CSMD1: variants seen among roughly 807,000 people sequenced by gnomAD.
CSMD1 encodes the protein CUB and sushi domain-containing protein 1.
CSMD1 carries 213 observed loss-of-function variants against 417.5 expected under a neutral mutation model. The observed-to-expected ratio is 0.51, with a 90% CI of 0.46 to 0.57. The LOEUF (loss-of-function observed/expected upper bound fraction) is 0.57. Among genes scored for constraint, CSMD1 ranks in the 20% least tolerant of loss-of-function variants. The probability of loss-of-function intolerance (pLI) is 0.00; values close to 1 mark genes in which losing one functional copy is unlikely to be tolerated. For synonymous variants in CSMD1, 2,862 were observed against 1,736.8 expected (o/e 1.65, Z -16.11); for missense variants, 6,923 against 4,529.7 (o/e 1.53, Z -15.17).
chr8:3,316,755 G>C (rs62504450), intron 23 of CSMD1, among the ~76,000 whole-genome samples: 2 of 152,100 alleles, frequency 1.3e-5, no homozygotes, highest in African/African-American at 2.4e-5. Context: ...GAAAGGACTC[G>C]GCTGCAGCAC....
intron 3 of CSMD1, among the ~76,000 whole-genome samples, chr8:4,340,329 C>A (rs537505166): frequency 6.6e-6 from 1 of 151,986 alleles, no homozygotes; most frequent in Non-Finnish European, 1.5e-5. Flanking sequence ...CTTACATTGG[C>A]TGGGATGAGG....
At chr8:3,634,209 G>A (rs1796922462) in intron 7 of CSMD1, among the ~76,000 whole-genome samples, 1 of 152,178 alleles carries the variant, frequency 6.6e-6, no homozygotes, top group Non-Finnish European at 1.5e-5. Context: ...GGCCACAGCA[G>A]ATAGTCTATG....
intron 2 of CSMD1, among the ~76,000 whole-genome samples, chr8:4,569,228 T>C (rs986431048): frequency 2.6e-5 from 4 of 152,252 alleles, no homozygotes; most frequent in Non-Finnish European, 5.9e-5. Context: ...CATGCCTATG[T>C]CCTGAATGGT....
At chr8:4,487,370 G>A (rs927917964) in intron 2 of CSMD1, among the ~76,000 whole-genome samples, 2 of 152,004 alleles carry the variant, frequency 1.3e-5, no homozygotes, top group African/African-American at 2.4e-5. Context: ...CTGTGTCCAT[G>A]CGTTCTCATT....
At chr8:3,272,808 T>G (rs950225370) in intron 26 of CSMD1, among the ~76,000 whole-genome samples, 9 of 150,496 alleles carry the variant, frequency 6.0e-5, no homozygotes, top group Non-Finnish European at 1.2e-4. Context: ...CTGAAGTTGC[T>G]TATCAGCTTA....
At chr8:3,746,971 C>T (rs59041069) in intron 6 of CSMD1, among the ~76,000 whole-genome samples, 11,131 of 152,256 alleles carry the variant, frequency 0.073, 1,141 homozygotes, top group African/African-American at 0.22. Flanking sequence ...AAAGCTGTGA[C>T]TAAATTACAG....
chr8:4,139,584 C>G (rs1233215759), intron 3 of CSMD1, among the ~76,000 whole-genome samples: 2 of 151,130 alleles, frequency 1.3e-5, no homozygotes, highest in Non-Finnish European at 1.5e-5. Flanking sequence ...GCCTATGGAA[C>G]TGAGTGGGCA....
intron 11 of CSMD1, among the ~76,000 whole-genome samples, chr8:3,490,554 C>G (rs188428086): frequency 6.6e-6 from 1 of 152,016 alleles, no homozygotes; most frequent in Non-Finnish European, 1.5e-5. Flanking sequence ...TTCAGCTCTC[C>G]GGAGTGTTTG....
At chr8:3,281,490 A>C (rs1011041245) in intron 26 of CSMD1, among the ~76,000 whole-genome samples, 6 of 152,146 alleles carry the variant, frequency 3.9e-5, no homozygotes, top group African/African-American at 1.4e-4. Flanking sequence ...AGTCAATAGA[A>C]TATTATTCGC....
At chr8:3,533,616 C>T (rs749893611) in intron 10 of CSMD1, among the ~76,000 whole-genome samples, 5 of 152,120 alleles carry the variant, frequency 3.3e-5, no homozygotes, top group Non-Finnish European at 7.4e-5. Flanking sequence ...TCCCTGAATC[C>T]ACTCATCTGC....
At chr8:3,515,688 A>G (rs563313923) in intron 10 of CSMD1, among the ~76,000 whole-genome samples, 6 of 152,294 alleles carry the variant, frequency 3.9e-5, no homozygotes, top group Admixed American at 3.9e-4. Context: ...CAATCATCAC[A>G]TATTCTAGGC....
At chr8:3,673,078 G>A (rs1203478009) in intron 7 of CSMD1, among the ~76,000 whole-genome samples, 1 of 152,112 alleles carries the variant, frequency 6.6e-6, no homozygotes, top group Non-Finnish European at 1.5e-5. Flanking sequence ...TACTGTAAAT[G>A]TTCAATAAAT....
intron 12 of CSMD1, among the ~76,000 whole-genome samples, chr8:3,465,419 G>A (rs1585205037): frequency 6.6e-6 from 1 of 152,242 alleles, no homozygotes; most frequent in South Asian, 2.1e-4. Context: ...GAATGATGGA[G>A]GCCACAGGTG....
chr8:4,053,027 C>T (rs541829542), intron 3 of CSMD1, among the ~76,000 whole-genome samples: 1 of 152,226 alleles, frequency 6.6e-6, no homozygotes, highest in South Asian at 2.1e-4. Context: ...CAAAGGGTAA[C>T]AATTGGTACC....
At chr8:3,169,210 C>A (rs1005329451) in intron 37 of CSMD1, among the ~76,000 whole-genome samples, 2 of 152,112 alleles carry the variant, frequency 1.3e-5, no homozygotes, top group African/African-American at 2.4e-5. Context: ...AGACTCCACC[C>A]CAAACAGTAC....
At chr8:3,265,556 A>G (rs1055957658) in intron 26 of CSMD1, among the ~76,000 whole-genome samples, 1 of 152,182 alleles carries the variant, frequency 6.6e-6, no homozygotes, top group African/African-American at 2.4e-5. Flanking sequence ...CACTCCTGTT[A>G]CCTGGGAATT....
At chr8:4,306,449 T>C (rs1202091395) in intron 3 of CSMD1, among the ~76,000 whole-genome samples, 1 of 152,176 alleles carries the variant, frequency 6.6e-6, no homozygotes, top group African/African-American at 2.4e-5. Flanking sequence ...ATAAAAAATA[T>C]TTTATCACCT....
chr8:4,620,711 T>C lies in CSMD1; in HGVS notation c.302+16631A>G, dbSNP rs537638763. Among the ~76,000 whole-genome samples the C allele has an allele frequency of 2.5e-3, 381 of 151,934 alleles. 2 individuals carry two copies. The highest frequency in any genetic ancestry group is 8.8e-3 in the African/African-American group (364 of 41,556). ...AAGTTAGAAAATATTTTAAACTAAATTACTAGTAAATCACTATAAAATGTT... is the reference window on the plus strand; with the variant it reads ...AAGTTAGAAAATATTTTAAACTAAACTACTAGTAAATCACTATAAAATGTT... On this transcript the variant is annotated intron_variant, in intron 2 of 69. Coordinates refer to ENST00000635120, the MANE Select transcript of CSMD1 (RefSeq NM_033225.6).
At chr8:3,580,396 G>C (rs888218981) in intron 9 of CSMD1, among the ~76,000 whole-genome samples, 3 of 152,102 alleles carry the variant, frequency 2.0e-5, no homozygotes, top group Non-Finnish European at 2.9e-5. Flanking sequence ...AGGGATACCT[G>C]GGGGGAGGCG....
Sources: allele counts gnomAD v4.1 joint callset (sites outside exome capture counted in the v4.1 genomes callset), GRCh38; gene constraint gnomAD v4.1.1; transcripts MANE v1.5; gene names NCBI Gene and HGNC (gene_info 2026-07-23, HGNC 2026-07-21).